ENO1: variants seen among roughly 807,000 people sequenced by gnomAD.
The protein encoded by ENO1 is alpha-enolase.
ENO1 carries 33 observed loss-of-function variants against 46.3 expected under a neutral mutation model. The ratio of observed to expected loss-of-function variants is 0.71; its 90% CI spans 0.54 to 0.95. The LOEUF (loss-of-function observed/expected upper bound fraction) is 0.95, where lower values mean the gene tolerates loss of function less well. Among genes scored for constraint, ENO1 ranks in the 40% least tolerant of loss-of-function variants. The probability of loss-of-function intolerance (pLI) is 0.00; values close to 1 mark genes in which losing one functional copy is unlikely to be tolerated. For missense variants in ENO1, 488 were observed against 553.3 expected, an observed-to-expected ratio of 0.88 and a Z score of 1.18; for synonymous variants, 220 against 216.0, an observed-to-expected ratio of 1.02 and a Z score of -0.16.
intron 9 of ENO1, 120 bp downstream of exon 9, chr1:8,863,771 A>G: frequency 8.5e-7 from 1 of 1,182,076 alleles, no homozygotes; most frequent in Non-Finnish European, 1.2e-6. Flanking sequence ...AAAACCTGTT[A>G]AAATTCCAGC....
At position 8,868,048 on chromosome 1, in the gene ENO1, C is replaced by T. The variant is rs1375963051; in HGVS notation, c.250G>A (p.Val84Ile). The change falls in exon 5 of 12, where the codon GTC (valine) becomes ATC (isoleucine). Residue 84 changes from valine (V) to isoleucine (I), a missense_variant. Transcript: ENST00000234590. ...TTGTCAATCTTCTCTTGTTCTGTGA[C>T]GTTCAGTTTCTACGAGGGAGAGGGG... ...APALVSKKLN[V>I]TEQEKIDKLM... 6 of 1,613,682 alleles carry T rather than the reference C, an allele frequency of 3.7e-6. No individual in the cohort carries two copies. The highest frequency in any genetic ancestry group is 2.7e-5 in the African/African-American group (2 of 74,886).
intron 3 of ENO1, chr1:8,870,978 A>G (rs1642620433): frequency 5.6e-6 from 7 of 1,245,294 alleles, no homozygotes; most frequent in Non-Finnish European, 6.0e-6. Context: ...GGGGGCAGGA[A>G]AGCAGAGGAG....
intron 9 of ENO1, among the ~76,000 whole-genome samples, chr1:8,863,611 C>CA (rs1293293899): frequency 1.3e-5 from 2 of 152,316 alleles, no homozygotes; most frequent in Non-Finnish European, 2.9e-5. Flanking sequence ...TGTTCTCTGA[C>CA]AGAGCTCTTC....
intron 4 of ENO1, among the ~76,000 whole-genome samples, chr1:8,869,934 C>T (rs1242811020): frequency 1.3e-5 from 2 of 152,214 alleles, no homozygotes; most frequent in East Asian, 1.9e-4. Flanking sequence ...AGGGACGGGC[C>T]GAAGGGAGGG....
rs924929151 is a variant in ENO1 at position 8,874,613 on chromosome 1, G to GA, written c.85+210dup. ...AAAAAAAAAAAAAGAAAAAGAAAAA[G>GA]AAAAAAATAAGCCGAGAAACAGCAA... On this transcript the variant is annotated intron_variant, in intron 2 of 11. Coordinates refer to ENST00000234590, the MANE Select transcript of ENO1 (RefSeq NM_001428.5). 2.5e-5 allele frequency among the ~76,000 whole-genome samples: 3 copies of GA among 122,120 alleles called. No homozygotes were observed. In the South Asian group the frequency reaches 8.0e-4, roughly 33 times the overall value. The allele number at this position is 122,120 out of a possible 152,430, so 80.1% of individuals were successfully genotyped here.
intron 7 of ENO1, among the ~76,000 whole-genome samples, chr1:8,865,811 C>T (rs1642500045): frequency 6.6e-6 from 1 of 152,146 alleles, no homozygotes; most frequent in Non-Finnish European, 1.5e-5. Context: ...TCCCAAGGCA[C>T]AGGCCTTAAA....
chr1:8,867,272 T>A, intron 5 of ENO1, 22 bp from the exon 6 acceptor site: 1 of 1,612,496 alleles, frequency 6.2e-7, no homozygotes, highest in Non-Finnish European at 8.5e-7. Context: ...GAGAACCGAG[T>A]GGAATGAAGT....
At chr1:8,870,942 T>G in intron 3 of ENO1, 1 of 1,250,928 alleles carries the variant, frequency 8.0e-7, no homozygotes, top group Admixed American at 3.8e-5. Context: ...AACCGGTGAT[T>G]AAGGACTGCG....
At chr1:8,863,364 C>A in intron 9 of ENO1, 21 bp from the exon 10 acceptor site, 1 of 1,604,008 alleles carries the variant, frequency 6.2e-7, no homozygotes, top group Non-Finnish European at 8.5e-7. Context: ...AGGAACAACC[C>A]AGATGGCATG....
In ENO1 at chr1:8,875,257, C is replaced by T. The variant is rs534889606; in HGVS notation, c.-9-340G>A. 1.5e-4 allele frequency among the ~76,000 whole-genome samples: 22 copies of T among 148,454 alleles called. No homozygotes were observed. The South Asian group carries it at 4.7e-3, about 32-fold the overall frequency. On this transcript the variant is annotated intron_variant, in intron 1 of 11. Transcript: ENST00000234590. ...ACAAAAAAAGATTTGCAACCTCTGG[C>T]ATAAATGGGTTAAACCCTAGCAATT...
At chr1:8,869,095 A>G (rs1200021367) in intron 4 of ENO1, among the ~76,000 whole-genome samples, 1 of 152,208 alleles carries the variant, frequency 6.6e-6, no homozygotes, top group East Asian at 1.9e-4. Flanking sequence ...CTCTGATCCC[A>G]TCATGCTGTA....
chr1:8,878,200 T>A (rs1642777308), intron 1 of ENO1: 1 of 179,650 alleles, frequency 5.6e-6, no homozygotes, highest in Admixed American at 6.0e-5. Context: ...TCTGCGTCTA[T>A]CCCAAAAACC....
In ENO1 at chr1:8,861,445, G is replaced by T; in HGVS notation, c.1236-16C>A. ...CTCTTCAATTCTTGGGAAGGAGAAA[G>T]GTAAAGAGATGGGGAGGAAAAAAGA... On this transcript the variant is annotated splice_polypyrimidine_tract_variant and intron_variant, in intron 11 of 11. Transcript: ENST00000234590. The T allele has an allele frequency of 6.2e-7, 1 of 1,613,934 alleles. No homozygotes were observed. Among genetic ancestry groups the T allele is most frequent in the Non-Finnish European group, 8.5e-7 (1 of 1,179,950 alleles).
chr1:8,864,394 G>C (rs1212853732), intron 8 of ENO1, among the ~76,000 whole-genome samples: 1 of 152,146 alleles, frequency 6.6e-6, no homozygotes, highest in Non-Finnish European at 1.5e-5. Flanking sequence ...GTGAAATCCT[G>C]GGATCAAATG....
At chr1:8,873,011 T>C (rs888295082) in intron 2 of ENO1, among the ~76,000 whole-genome samples, 1 of 152,174 alleles carries the variant, frequency 6.6e-6, no homozygotes, top group African/African-American at 2.4e-5. Context: ...ACCAACAAGA[T>C]ATTTCTAGCA....
In ENO1 at chr1:8,870,864, C is replaced by T. The variant is rs1419296512; in HGVS notation, c.182-354G>A. 6.9e-6 allele frequency: 9 copies of T among 1,304,834 alleles called. No homozygotes were observed. The South Asian group carries it at 1.4e-4, about 20-fold the overall frequency. 80.8% of individuals were successfully genotyped at this position (1,304,834 alleles called of 1,614,324 possible). Reference sequence around the variant, plus strand: ...CTGGTGCCAGGAACTCATTAATATACTTAATGGGTCTGGAGACGCCTGCCC... The same window carrying T: ...CTGGTGCCAGGAACTCATTAATATATTTAATGGGTCTGGAGACGCCTGCCC... On this transcript the variant is annotated intron_variant, in intron 3 of 11. Transcript: ENST00000234590.
rs769087479 is a variant in ENO1 at position 8,863,873 on chromosome 1, G to A, written c.1067+18C>T. 14 of 1,613,838 alleles carry A rather than the reference G, an allele frequency of 8.7e-6. No homozygotes were observed. The highest frequency in any genetic ancestry group is 2.2e-5 in the East Asian group (1 of 44,886). ...AGCCGTAGCTGCGGGAAAGCTGCTCGCCTGGGAAGACACTTACGCCTGAAG... is the reference window on the plus strand; with the variant it reads ...AGCCGTAGCTGCGGGAAAGCTGCTCACCTGGGAAGACACTTACGCCTGAAG... On this transcript the variant is annotated intron_variant, in intron 9 of 11. Coordinates refer to ENST00000234590, the MANE Select transcript of ENO1 (RefSeq NM_001428.5).
intron 1 of ENO1, among the ~76,000 whole-genome samples, chr1:8,877,225 T>A (rs533103096): frequency 3.3e-5 from 5 of 152,136 alleles, no homozygotes; most frequent in African/African-American, 1.2e-4. Flanking sequence ...GTGCTAGGAT[T>A]ACAGGCGTGA....
In ENO1 at chr1:8,878,660, T is replaced by C. The variant is rs1642788815; in HGVS notation, c.-90A>G. 1 of 455,924 alleles carries C rather than the reference T, an allele frequency of 2.2e-6. No homozygotes were observed. Among genetic ancestry groups the C allele is most frequent in the African/African-American group, 2.0e-5 (1 of 50,064 alleles). 28.2% of individuals were successfully genotyped at this position (455,924 alleles called of 1,614,324 possible). Reference sequence around the variant, plus strand: ...AGGTGAACGTAAAGCCGGCGAGATCTCCGTGCTCCGGGTACCCACAGATAC... The same window carrying C: ...AGGTGAACGTAAAGCCGGCGAGATCCCCGTGCTCCGGGTACCCACAGATAC... On this transcript the variant is annotated 5_prime_UTR_variant, in exon 1 of 12. Transcript: ENST00000234590.
Sources: allele counts gnomAD v4.1 joint callset (sites outside exome capture counted in the v4.1 genomes callset), GRCh38; gene constraint gnomAD v4.1.1; transcripts MANE v1.5; gene names NCBI Gene and HGNC (gene_info 2026-07-23, HGNC 2026-07-21).